Variants in MYO15B observed in about 807,000 individuals in gnomAD.
MYO15B encodes myosin XVB pseudogene.
MYO15B carries 207 observed loss-of-function variants against 119.3 expected under a neutral mutation model. The ratio of observed to expected loss-of-function variants is 1.73; its 90% confidence interval spans 1.55 to 1.95. The LOEUF (loss-of-function observed/expected upper bound fraction) is 1.95. MYO15B is among the 30% of genes most tolerant of loss of function. The pLI is 0.00. For synonymous variants in MYO15B, 966 were observed against 498.9 expected, an observed-to-expected ratio of 1.94 and a Z score of -12.48; for missense variants, 2,264 against 1,203.1, an observed-to-expected ratio of 1.88 and a Z score of -13.04.
At position 75,591,964 on chromosome 17, in the gene MYO15B, C is replaced by G; in HGVS notation, c.2548-13C>G. The stretch of plus-strand genomic sequence containing the variant: ...TGCTGCCCAGGGATGCTTGAACACC[C>G]CTCCCTGTACAGGTGGAGGATATGC... On this transcript the variant is annotated splice_polypyrimidine_tract_variant and intron_variant, in intron 5 of 63. Transcript: ENST00000645453. 2.9e-6 allele frequency: 2 copies of G among 701,272 alleles called. No homozygotes were observed. The highest frequency in any genetic ancestry group is 5.2e-6 in the Non-Finnish European group (2 of 384,044). The allele number at this position is 701,272 out of a possible 1,614,324, so 43.4% of individuals were successfully genotyped here.
rs1320660563 is a variant in MYO15B, at chr17:75,616,804, G to A, written c.6506+19G>A. The A allele has an allele frequency of 5.7e-6, 4 of 703,048 alleles. No individual in the cohort carries two copies. Among genetic ancestry groups the A allele is most frequent in the East Asian group, 5.4e-5 (2 of 37,292 alleles). 43.6% of individuals were successfully genotyped at this position (703,048 alleles called of 1,614,324 possible). The stretch of plus-strand genomic sequence containing the variant: ...CATCCAGGTGGGCCCCCACGGGGAG[G>A]TGGCCAGGGCTGTCCCGCTCCTCGG... On this transcript the variant is annotated intron_variant, in intron 39 of 63. Transcript: ENST00000645453.
intron 14 of MYO15B, 131 bp downstream of exon 14, chr17:75,597,030 C>T: frequency 1.7e-6 from 1 of 591,424 alleles, no homozygotes; most frequent in East Asian, 2.8e-5. Context: ...ATCACAGTTC[C>T]TCAGCACAGC....
At position 75,617,249 on chromosome 17, in the gene MYO15B, AGC is replaced by A; in HGVS notation, c.6762_6763del (p.Pro2255ThrfsTer73). The A allele has an allele frequency of 1.4e-6, 1 of 691,706 alleles. No homozygotes were observed. The highest frequency in any genetic ancestry group is 2.1e-5 in the Admixed American group (1 of 47,556). 42.8% of individuals were successfully genotyped at this position (691,706 alleles called of 1,614,324 possible). On this transcript the variant is annotated frameshift_variant, in exon 41 of 64. Coordinates refer to ENST00000645453, the Ensembl canonical transcript of MYO15B. LOFTEE classifies it high-confidence loss of function. Reference sequence around the variant, plus strand: ...TTGCCCACACACCCCCACCTCCACCAGCGCCACCACTGCCTCTGCCCGAGGAC... The same window carrying A: ...TTGCCCACACACCCCCACCTCCACCAGCCACCACTGCCTCTGCCCGAGGAC...
intron 21 of MYO15B, among the ~76,000 whole-genome samples, chr17:75,607,519 C>T (rs562769662): frequency 4.0e-5 from 6 of 151,656 alleles, no homozygotes; most frequent in Admixed American, 1.3e-4. Flanking sequence ...GGCTCGATCT[C>T]GGCTCACTGC....
At chr17:75,608,576 G>C (rs573366312) in intron 21 of MYO15B, among the ~76,000 whole-genome samples, 3 of 152,020 alleles carry the variant, frequency 2.0e-5, no homozygotes, top group African/African-American at 7.2e-5. Context: ...GGGAGGCGGA[G>C]ATTCAAGTGA....
exon 1 of MYO15B, chr17:75,588,879 G>A (rs2056227185): frequency 5.0e-6 from 2 of 398,470 alleles, no homozygotes; most frequent in African/African-American, 2.1e-5. Context: ...ACACTGGGCC[G>A]GCCAAGGACG....
intron 15 of MYO15B, 85 bp downstream of exon 15, chr17:75,601,648 T>G: frequency 1.5e-6 from 1 of 662,564 alleles, no homozygotes; most frequent in South Asian, 1.6e-5. Flanking sequence ...CGGAGAGGAG[T>G]GGGTGTGGGG....
intron 1 of MYO15B, 134 bp downstream of exon 1, chr17:75,590,377 A>G (rs973959244): frequency 3.0e-5 from 12 of 398,090 alleles, no homozygotes; most frequent in Non-Finnish European, 4.4e-5. Flanking sequence ...TCCTGGCAGG[A>G]AGGGGCAGGT....
chr17:75,615,416 C>A, intron 34 of MYO15B, 78 bp downstream of exon 34: 1 of 680,562 alleles, frequency 1.5e-6, no homozygotes, highest in Non-Finnish European at 2.7e-6. Context: ...AGGGAGGGTC[C>A]TGCTAGGAGT....
In MYO15B at chr17:75,621,360, T is replaced by C. The variant is rs1279342005; in HGVS notation, c.7887T>C (p.Asp2629=). 8 of 701,236 alleles carry C rather than the reference T, an allele frequency of 1.1e-5. 1 individual carries two copies. Among genetic ancestry groups the C allele is most frequent in the African/African-American group, 7.0e-5 (4 of 57,330 alleles). The allele number at this position is 701,236 out of a possible 1,614,324, so 43.4% of individuals were successfully genotyped here. Residue 2629 remains aspartate, a synonymous_variant, in exon 51 of 64, where the codon GAT becomes GAC. Transcript: ENST00000645453. ...CCCCCCACAGGCTGGGCCAGACTGA[T>C]GGAGGTGCCGCAGGAAAGGACACGG...
chr17:75,612,231 G>A (rs927837858), intron 25 of MYO15B, among the ~76,000 whole-genome samples: 2 of 152,174 alleles, frequency 1.3e-5, no homozygotes, highest in African/African-American at 4.8e-5. Flanking sequence ...TGGTGTTATT[G>A]AATGGGAGAC....
chr17:75,604,184 C>T (rs923119900), intron 19 of MYO15B, among the ~76,000 whole-genome samples: 1 of 152,128 alleles, frequency 6.6e-6, no homozygotes, highest in Non-Finnish European at 1.5e-5. Flanking sequence ...TGGAAACCTA[C>T]CAGCTACAGC....
chr17:75,626,316 C>T, intron 63 of MYO15B, 88 bp downstream of exon 63: 1 of 698,354 alleles, frequency 1.4e-6, no homozygotes, highest in Non-Finnish European at 2.6e-6. Flanking sequence ...CAGGCCCAGG[C>T]CGATGCCCAC....
intron 19 of MYO15B, among the ~76,000 whole-genome samples, chr17:75,605,164 G>A (rs1475246200): frequency 1.3e-5 from 2 of 151,556 alleles, no homozygotes; most frequent in African/African-American, 4.8e-5. Context: ...AAGGCCGGGC[G>A]CAGTGGCTCA....
intron 49 of MYO15B, 89 bp from the exon 50 acceptor site, chr17:75,620,942 T>C: frequency 1.4e-6 from 1 of 702,532 alleles, no homozygotes; most frequent in Admixed American, 2.0e-5. Flanking sequence ...GCTCCTTTGG[T>C]GTCTGGCTGG....
chr17:75,592,191 G>A (rs980293577), intron 6 of MYO15B, 47 bp from the exon 7 acceptor site: 1 of 702,036 alleles, frequency 1.4e-6, no homozygotes, highest in Admixed American at 2.0e-5. Context: ...CGGGGCCCCT[G>A]GGTGTTCTGC....
intron 21 of MYO15B, among the ~76,000 whole-genome samples, chr17:75,608,360 C>T (rs1014205301): frequency 6.6e-6 from 1 of 151,994 alleles, no homozygotes; most frequent in Non-Finnish European, 1.5e-5. Context: ...CTCAGGTGAT[C>T]CACCTCAGGT....
intron 60 of MYO15B, 23 bp from the exon 61 acceptor site, chr17:75,625,504 C>G (rs1178286235): frequency 8.5e-6 from 6 of 702,832 alleles, no homozygotes; most frequent in Non-Finnish European, 1.6e-5. Flanking sequence ...AGGGGCCAAA[C>G]TGACCCTGGT....
intron 21 of MYO15B, chr17:75,607,010 G>C (rs1430470677): frequency 5.0e-6 from 2 of 398,526 alleles, no homozygotes; most frequent in African/African-American, 2.1e-5. Context: ...GCTGGTGACA[G>C]AGCTGGGGAT....
Sources: gnomAD v4.1 joint callset for allele counts (sites outside exome capture counted in the v4.1 genomes callset) on GRCh38, gnomAD v4.1.1 for gene constraint, MANE v1.5 for transcripts, NCBI Gene and HGNC (gene_info 2026-07-23, HGNC 2026-07-21) for gene names.